RIMS1: variants seen among roughly 807,000 people sequenced by gnomAD.
RIMS1 encodes regulating synaptic membrane exocytosis 1.
In RIMS1, 83 loss-of-function variants were observed where a neutral mutation model predicts 214.1. That is an observed-to-expected ratio of 0.39 (90% CI 0.32 to 0.47). RIMS1 has a LOEUF of 0.47. RIMS1 is among the 20% of genes least tolerant of loss of function. RIMS1 has a pLI of 0.99. For synonymous variants in RIMS1, 793 were observed against 786.8 expected (o/e 1.01, Z -0.13); for missense variants, 2,050 against 2,161.8 (o/e 0.95, Z 1.03).
intron 29 of RIMS1, among the ~76,000 whole-genome samples, chr6:72,370,664 C>T (rs1189373320): frequency 2.0e-5 from 3 of 152,048 alleles, no homozygotes; most frequent in African/African-American, 7.2e-5. Flanking sequence ...CATTTAAGTG[C>T]TGCATATATA....
intron 16 of RIMS1, among the ~76,000 whole-genome samples, chr6:72,256,377 G>A (rs931291527): frequency 4.6e-5 from 7 of 152,046 alleles, no homozygotes; most frequent in African/African-American, 1.7e-4. Flanking sequence ...AAAGTTTCAA[G>A]ATTTCACTTG....
At chr6:72,315,265 T>C (rs1485452568) in intron 28 of RIMS1, among the ~76,000 whole-genome samples, 4 of 152,180 alleles carry the variant, frequency 2.6e-5, no homozygotes, top group Non-Finnish European at 4.4e-5. Context: ...CGTATGAATT[T>C]TCATATTTAG....
At chr6:72,307,396 A>G in intron 27 of RIMS1, 26 bp downstream of exon 27, 1 of 1,422,068 alleles carries the variant, frequency 7.0e-7, no homozygotes, top group Non-Finnish European at 9.7e-7. Context: ...TCCAACAAAT[A>G]GTTTCCCTTT....
chr6:72,392,887 T>G (rs1331389540), intron 31 of RIMS1, 77 bp downstream of exon 31: 4 of 1,018,944 alleles, frequency 3.9e-6, no homozygotes, highest in African/African-American at 1.6e-5. Flanking sequence ...TTTAAAATTG[T>G]GTAATAGCAA....
intron 2 of RIMS1, among the ~76,000 whole-genome samples, chr6:72,020,654 A>C (rs2151937190): frequency 6.6e-6 from 1 of 152,296 alleles, no homozygotes; most frequent in South Asian, 2.1e-4. Context: ...TGGAGAAGTC[A>C]GAAATGTTGG....
At chr6:72,110,708 T>C (rs1410024234) in intron 4 of RIMS1, among the ~76,000 whole-genome samples, 1 of 151,936 alleles carries the variant, frequency 6.6e-6, no homozygotes, top group Non-Finnish European at 1.5e-5. Flanking sequence ...TTCTCCTGCC[T>C]AATAGCCCTG....
At chr6:72,094,941 A>G (rs2030851933) in intron 2 of RIMS1, among the ~76,000 whole-genome samples, 1 of 150,208 alleles carries the variant, frequency 6.7e-6, no homozygotes, top group Admixed American at 6.6e-5. Flanking sequence ...CTTAATTATT[A>G]TTATTATTAT....
chr6:72,049,916 C>T (rs537933824), intron 2 of RIMS1, among the ~76,000 whole-genome samples: 16 of 152,146 alleles, frequency 1.1e-4, no homozygotes, highest in Admixed American at 9.2e-4. Context: ...TGAAAATTCT[C>T]TTTTTAAGTG....
At chr6:71,981,052 A>T (rs1199975178) in intron 2 of RIMS1, among the ~76,000 whole-genome samples, 1 of 152,128 alleles carries the variant, frequency 6.6e-6, no homozygotes, top group Non-Finnish European at 1.5e-5. Flanking sequence ...TCCATATGGG[A>T]ACATCAAAAA....
At chr6:72,219,293 T>C (rs1461435923) in intron 6 of RIMS1, among the ~76,000 whole-genome samples, 1 of 152,164 alleles carries the variant, frequency 6.6e-6, no homozygotes, top group Non-Finnish European at 1.5e-5. Context: ...TAAATACTTA[T>C]CATCATGCCT....
chr6:72,245,238 G>C (rs1280942998), intron 10 of RIMS1, among the ~76,000 whole-genome samples: 1 of 151,576 alleles, frequency 6.6e-6, no homozygotes, highest in African/African-American at 2.4e-5. Context: ...TCTCTATAAA[G>C]GGTATATATG....
intron 6 of RIMS1, among the ~76,000 whole-genome samples, chr6:72,232,546 T>C (rs1429291764): frequency 1.3e-5 from 2 of 151,714 alleles, no homozygotes; most frequent in Middle Eastern, 3.2e-3. Flanking sequence ...GAGAGAGATA[T>C]GGAATCTATG....
intron 2 of RIMS1, among the ~76,000 whole-genome samples, chr6:72,000,910 T>A (rs1270623841): frequency 2.0e-5 from 3 of 151,784 alleles, no homozygotes; most frequent in African/African-American, 2.4e-5. Flanking sequence ...CTTCTCAAAT[T>A]TTTTTTTAAC....
At chr6:72,264,788 G>A (rs1336860161) in intron 19 of RIMS1, among the ~76,000 whole-genome samples, 187 bp from the exon 20 acceptor site, 1 of 152,006 alleles carries the variant, frequency 6.6e-6, no homozygotes, top group South Asian at 2.1e-4. Context: ...GAAGTCAAGT[G>A]TCTATGATTT....
intron 29 of RIMS1, among the ~76,000 whole-genome samples, chr6:72,344,860 G>T (rs941265619): frequency 6.6e-6 from 1 of 151,734 alleles, no homozygotes; most frequent in Non-Finnish European, 1.5e-5. Flanking sequence ...TTTACGTTTG[G>T]CTAAGATATA....
At chr6:71,949,549 C>T (rs1266298675) in intron 1 of RIMS1, among the ~76,000 whole-genome samples, 1 of 152,080 alleles carries the variant, frequency 6.6e-6, no homozygotes, top group African/African-American at 2.4e-5. Flanking sequence ...AGTTTTCTCA[C>T]CTGAAAATGA....
In RIMS1 at chr6:72,248,024, C is replaced by A; in HGVS notation, c.2138C>A (p.Ser713Tyr). 1.2e-6 allele frequency: 2 copies of A among 1,609,032 alleles called. No homozygotes were observed. The highest frequency in any genetic ancestry group is 1.7e-6 in the Non-Finnish European group (2 of 1,175,972). The change falls in exon 12 of 34, where the codon TCC (serine) becomes TAC (tyrosine). Residue 713 changes from serine to tyrosine, a missense_variant. By Grantham distance (144) the Ser-to-Tyr change is moderately radical. Coordinates refer to ENST00000521978, the MANE Select transcript of RIMS1 (RefSeq NM_014989.7). Reference sequence around the variant, plus strand: ...TTTTTTCTCATTTTAGGTTCAAGTTCCTTTGAATCTCAGAAGATGGAAAGG... The same window carrying A: ...TTTTTTCTCATTTTAGGTTCAAGTTACTTTGAATCTCAGAAGATGGAAAGG... ...SHPPLESSSS[S>Y]FESQKMERPS...
intron 1 of RIMS1, among the ~76,000 whole-genome samples, chr6:71,961,459 C>T (rs1282237690): frequency 6.6e-6 from 1 of 151,962 alleles, no homozygotes; most frequent in Non-Finnish European, 1.5e-5. Flanking sequence ...TAGATTTGTA[C>T]CCATAAGTAA....
At chr6:71,996,750 A>G (rs1803561666) in intron 2 of RIMS1, among the ~76,000 whole-genome samples, 1 of 142,774 alleles carries the variant, frequency 7.0e-6, no homozygotes. Flanking sequence ...AGGTGACAAA[A>G]ACAAGGCAAC....
Sources: gnomAD v4.1 joint callset for allele counts (sites outside exome capture counted in the v4.1 genomes callset) on GRCh38, gnomAD v4.1.1 for gene constraint, MANE v1.5 for transcripts, NCBI Gene and HGNC (gene_info 2026-07-23, HGNC 2026-07-21) for gene names.